Variants in SUCLA2 observed in about 807,000 individuals in gnomAD.
SUCLA2 encodes succinate-CoA ligase ADP-forming subunit beta.
Under a neutral mutation model 54.8 loss-of-function variants are expected in SUCLA2, and 30 were observed. The observed-to-expected ratio is 0.55, with a 90% CI of 0.41 to 0.74. The LOEUF (loss-of-function observed/expected upper bound fraction) is 0.74. Ranked by LOEUF, SUCLA2 falls within the 30% of genes least tolerant of loss-of-function variation. The probability of loss-of-function intolerance (pLI) is 0.00; values close to 1 mark genes in which losing one functional copy is unlikely to be tolerated. For missense variants in SUCLA2, 476 were observed against 562.9 expected (o/e 0.85, Z 1.56); for synonymous variants, 172 against 188.9 (o/e 0.91, Z 0.74).
chr13:47,977,256 G>C (rs1036675459), intron 4 of SUCLA2, among the ~76,000 whole-genome samples: 1 of 152,040 alleles, frequency 6.6e-6, no homozygotes, highest in Non-Finnish European at 1.5e-5. Flanking sequence ...AATATGAACA[G>C]CTCTATAACT....
chr13:47,978,773 A>G (rs1950037814), intron 4 of SUCLA2, among the ~76,000 whole-genome samples: 1 of 152,238 alleles, frequency 6.6e-6, no homozygotes. Flanking sequence ...TATACATCTG[A>G]CAAAAGGCTA....
chr13:47,988,526 T>A lies in SUCLA2; in HGVS notation c.534+15A>T, dbSNP rs771702983. On this transcript the variant is annotated intron_variant, in intron 4 of 10. Transcript: ENST00000646932. Reference sequence around the variant, plus strand: ...ATAAATTTATCCCGTATGTATCATGTCTACAATTACTCACTTGAAATGACC... The same window carrying A: ...ATAAATTTATCCCGTATGTATCATGACTACAATTACTCACTTGAAATGACC... 6.2e-7 allele frequency: 1 copy of A among 1,613,216 alleles called. No individual in the cohort carries two copies. Among genetic ancestry groups the A allele is most frequent in the Non-Finnish European group, 8.5e-7 (1 of 1,179,584 alleles).
rs748185431 is a variant in SUCLA2, at chr13:47,943,418, A to G, written c.1345T>C (p.Leu449=). The G allele has an allele frequency of 6.2e-7, 1 of 1,613,940 alleles. No individual in the cohort carries two copies. Among genetic ancestry groups the G allele is most frequent in the East Asian group, 2.2e-5 (1 of 44,828 alleles). The change falls in exon 11 of 11, where the codon TTA becomes CTA. Residue 449 remains leucine, a synonymous_variant. Transcript: ENST00000646932. ...MVVKLSEIVT[L]AKQAHVDVKF... ...ACATCCACATGTGCTTGCTTCGCTA[A>G]GGTCACTATTTCAGAGAGCTTTACA... is the stretch of plus-strand genomic sequence containing the variant.
chr13:47,946,439 CAAAA>C (rs762233828), intron 10 of SUCLA2, among the ~76,000 whole-genome samples: 22 of 145,422 alleles, frequency 1.5e-4, no homozygotes, highest in Non-Finnish European at 2.9e-4. Context: ...AAAAAACAAA[CAAAA>C]AAAAAAGGTA....
chr13:47,993,519 G>A (rs983904280), intron 2 of SUCLA2, among the ~76,000 whole-genome samples: 3 of 152,016 alleles, frequency 2.0e-5, no homozygotes, highest in African/African-American at 7.3e-5. Flanking sequence ...GGTAAAACTT[G>A]CCTACAGGAC....
At chr13:47,954,005 C>CA (rs1388916757) in intron 8 of SUCLA2, 135 bp downstream of exon 8, 37 of 814,418 alleles carry the variant, frequency 4.5e-5, no homozygotes, top group Non-Finnish European at 5.3e-5. Context: ...GATATGATAG[C>CA]AAAAAAAGAC....
chr13:48,000,168 G>A (rs1566095096), intron 1 of SUCLA2, among the ~76,000 whole-genome samples: 1 of 151,574 alleles, frequency 6.6e-6, no homozygotes, highest in Non-Finnish European at 1.5e-5. Context: ...GGGCGGGAGG[G>A]CCCTAAATCA....
intron 1 of SUCLA2, among the ~76,000 whole-genome samples, chr13:47,999,365 T>C (rs1310425871): frequency 6.6e-6 from 1 of 152,142 alleles, no homozygotes; most frequent in Non-Finnish European, 1.5e-5. Flanking sequence ...GAAGGTACAC[T>C]AGGCTAAAGA....
rs770190505 is a variant in SUCLA2, at chr13:47,997,040, C to A, written c.91-17G>T. The A allele has an allele frequency of 6.2e-7, 1 of 1,613,832 alleles. No homozygotes were observed. Among genetic ancestry groups the A allele is most frequent in the South Asian group, 1.1e-5 (1 of 91,074 alleles). Reference sequence around the variant, plus strand: ...TCCCAGAACCTAGAAAGATTGGGGACATATTTATATATGACAGTGATTTGG... The same window carrying A: ...TCCCAGAACCTAGAAAGATTGGGGAAATATTTATATATGACAGTGATTTGG... On this transcript the variant is annotated splice_polypyrimidine_tract_variant and intron_variant, in intron 1 of 10. Coordinates refer to ENST00000646932, the MANE Select transcript of SUCLA2 (RefSeq NM_003850.3).
intron 4 of SUCLA2, among the ~76,000 whole-genome samples, chr13:47,979,686 G>A (rs952143168): frequency 1.3e-5 from 2 of 152,114 alleles, no homozygotes; most frequent in African/African-American, 2.4e-5. Flanking sequence ...ACACAAAAAT[G>A]AGAAGCTGAA....
intron 5 of SUCLA2, chr13:47,972,210 G>T (rs1949972503): frequency 4.0e-6 from 1 of 250,256 alleles, no homozygotes; most frequent in Non-Finnish European, 7.6e-6. Flanking sequence ...AGCCAAGGTG[G>T]CAACACTGCA....
chr13:47,981,909 C>T (rs982766851), intron 4 of SUCLA2, among the ~76,000 whole-genome samples: 10 of 151,894 alleles, frequency 6.6e-5, no homozygotes, highest in Admixed American at 1.3e-4. Context: ...CACTTGATCC[C>T]GGGAGACTGG....
At chr13:47,995,036 C>T (rs888910374) in intron 2 of SUCLA2, 13 of 197,338 alleles carry the variant, frequency 6.6e-5, no homozygotes, top group East Asian at 1.9e-4. Context: ...AGAAAATATA[C>T]GGAAAACTAG....
intron 4 of SUCLA2, among the ~76,000 whole-genome samples, chr13:47,985,132 A>G (rs1950091276): frequency 6.6e-6 from 1 of 152,248 alleles, no homozygotes; most frequent in Non-Finnish European, 1.5e-5. Flanking sequence ...AAGGTACTAA[A>G]GACCAGTAGA....
intron 4 of SUCLA2, among the ~76,000 whole-genome samples, chr13:47,980,882 G>A (rs946116312): frequency 2.6e-5 from 4 of 152,070 alleles, no homozygotes; most frequent in Non-Finnish European, 4.4e-5. Flanking sequence ...TAGAAAAATT[G>A]GATATCCACA....
At chr13:47,980,827 G>C (rs145506975) in intron 4 of SUCLA2, among the ~76,000 whole-genome samples, 214 of 152,246 alleles carry the variant, frequency 1.4e-3, no homozygotes, top group African/African-American at 4.9e-3. Flanking sequence ...TGGTGGGAAA[G>C]CTACACAAGA....
intron 4 of SUCLA2, among the ~76,000 whole-genome samples, chr13:47,981,250 CAA>C (rs1484982334): frequency 5.9e-5 from 9 of 151,488 alleles, no homozygotes; most frequent in African/African-American, 2.2e-4. Context: ...ACTCAATAAC[CAA>C]AAAAGTAAAA....
chr13:47,965,812 G>T (rs1349483129), intron 6 of SUCLA2, among the ~76,000 whole-genome samples: 2 of 152,196 alleles, frequency 1.3e-5, no homozygotes, highest in African/African-American at 4.8e-5. Context: ...ACTTTCGGAG[G>T]CCGAGGCAGG....
intron 2 of SUCLA2, chr13:47,994,802 G>A: frequency 1.0e-6 from 1 of 984,800 alleles, no homozygotes; most frequent in African/African-American, 1.7e-5. Context: ...CTGCCTACCT[G>A]CTTCTTATTA....
Sources: allele counts gnomAD v4.1 joint callset (sites outside exome capture counted in the v4.1 genomes callset), GRCh38; gene constraint gnomAD v4.1.1; transcripts MANE v1.5; gene names NCBI Gene and HGNC (gene_info 2026-07-23, HGNC 2026-07-21).